Variants in C6orf15 observed in about 807,000 individuals in gnomAD.
The protein encoded by C6orf15 is chromosome 6 open reading frame 15, also known as uncharacterized protein C6orf15.
A neutral mutation model predicts 2.8 loss-of-function variants in C6orf15; 5 were observed. The ratio of observed to expected loss-of-function variants is 1.80; its 90% confidence interval spans 0.94 to 3.78. C6orf15 has a LOEUF of 3.78. Ranked by LOEUF, C6orf15 falls within the 30% of genes most tolerant of loss-of-function variation. The pLI is 0.00. For synonymous variants in C6orf15, 145 were observed against 163.2 expected (o/e 0.89, Z 0.85); for missense variants, 363 against 418.8 (o/e 0.87, Z 1.16).
Position 31,111,466 on chromosome 6 carries a change from G to A in C6orf15, c.893C>T (p.Pro298Leu), listed in dbSNP as rs1220212774. 1.9e-6 allele frequency: 3 copies of A among 1,612,696 alleles called. No homozygotes were observed. Among genetic ancestry groups the A allele is most frequent in the Non-Finnish European group, 2.5e-6 (3 of 1,179,892 alleles). The stretch of plus-strand genomic sequence containing the variant: ...AGAGCCAGGAGGGCGGAGGACTCCA[G>A]GAGGAAATGGGTTATTGATACCTGG... ...LYPGINNPFPPGVLRPPGSSW... is the reference protein window; with the variant it reads ...LYPGINNPFPLGVLRPPGSSW... The change falls in exon 2 of 2, where the codon CCT (proline) becomes CTT (leucine). Residue 298 changes from proline to leucine, a missense_variant. Transcript: ENST00000259870.
chr6:31,112,160 G>C lies in C6orf15; in HGVS notation c.199C>G (p.Pro67Ala). The C allele has an allele frequency of 6.2e-7, 1 of 1,614,130 alleles. No homozygotes were observed. Among genetic ancestry groups the C allele is most frequent in the Non-Finnish European group, 8.5e-7 (1 of 1,180,000 alleles). The part of the protein sequence containing the change: ...NSEHPQPALD[P>A]RSNDLARVPL... ...ACCCTTGCCAAGTCATTAGACCTAG[G>C]GTCCAGAGCGGGCTGCGGATGTTCA... The change falls in exon 2 of 2, where the codon CCT (proline) becomes GCT (alanine). Residue 67 changes from proline to alanine, a missense_variant. Pro to Ala is a conservative substitution (Grantham distance 27). Coordinates refer to ENST00000259870, the MANE Select transcript of C6orf15 (RefSeq NM_014070.3).
In C6orf15 at chr6:31,111,745, G is replaced by GA. The variant is rs779419060; in HGVS notation, c.613_614insT (p.Pro205LeufsTer2). The GA allele has an allele frequency of 1.9e-6, 3 of 1,612,488 alleles. No individual in the cohort carries two copies. The South Asian group carries it at 3.3e-5, about 18-fold the overall frequency. ...ATTCAGGGTACCCCAGGGGTGATCA[G>GA]GCAGAACCCTGTGGATGAGAGACCA... On this transcript the variant is annotated frameshift_variant, in exon 2 of 2. Coordinates refer to ENST00000259870, the MANE Select transcript of C6orf15 (RefSeq NM_014070.3). LOFTEE classifies it low-confidence loss of function (END_TRUNC).
intron 1 of C6orf15, 46 bp downstream of exon 1, chr6:31,112,443 G>C (rs148766502): frequency 1.1e-4 from 168 of 1,476,650 alleles, no homozygotes; most frequent in Non-Finnish European, 1.5e-4. Context: ...CTGTTTCCTG[G>C]GGGACCTCCA....
Position 31,111,461 on chromosome 6 carries a change from C to T in C6orf15, c.898G>A (p.Val300Ile), listed in dbSNP as rs544077230. The change falls in exon 2 of 2, where the codon GTC (valine) becomes ATC (isoleucine). Residue 300 changes from valine (V) to isoleucine (I), a missense_variant. Coordinates refer to ENST00000259870, the MANE Select transcript of C6orf15 (RefSeq NM_014070.3). Reference protein sequence around the residue: ...PGINNPFPPGVLRPPGSSWNI... With the variant: ...PGINNPFPPGILRPPGSSWNI... Reference sequence around the variant, plus strand: ...CAAGAAGAGCCAGGAGGGCGGAGGACTCCAGGAGGAAATGGGTTATTGATA... The same window carrying T: ...CAAGAAGAGCCAGGAGGGCGGAGGATTCCAGGAGGAAATGGGTTATTGATA... The T allele has an allele frequency of 6.2e-7, 1 of 1,612,792 alleles. No individual in the cohort carries two copies. Among genetic ancestry groups the T allele is most frequent in the African/African-American group, 1.3e-5 (1 of 74,972 alleles).
rs1416897151 is a variant in C6orf15, at chr6:31,112,402, A to T, written c.67+87T>A. On this transcript the variant is annotated intron_variant, in intron 1 of 1. Coordinates refer to ENST00000259870, the MANE Select transcript of C6orf15 (RefSeq NM_014070.3). ...TTTTCCCTCAGGGACCTAAATGTGT[A>T]CCCTCCTGCCTTTACCCCTTTCCTT... is the stretch of plus-strand genomic sequence containing the variant. The T allele has an allele frequency of 4.2e-6, 6 of 1,439,384 alleles. 1 individual carries two copies. The Admixed American group carries it at 8.7e-5, about 21-fold the overall frequency. 89.2% of individuals were successfully genotyped at this position (1,439,384 alleles called of 1,614,324 possible). A position where few individuals can be genotyped will look rare whatever the true frequency, so the allele number is the denominator to read the frequency against.
In C6orf15 at chr6:31,112,167, A is replaced by C; in HGVS notation, c.192T>G (p.Ala64=). ...GPSNSEHPQP[A]LDPRSNDLAR... The stretch of plus-strand genomic sequence containing the variant: ...CCAAGTCATTAGACCTAGGGTCCAG[A>C]GCGGGCTGCGGATGTTCAGAGTTAG... Residue 64 remains alanine, a synonymous_variant, in exon 2 of 2, where the codon GCT becomes GCG. Transcript: ENST00000259870. The C allele has an allele frequency of 1.2e-6, 2 of 1,614,092 alleles. No individual in the cohort carries two copies. Among genetic ancestry groups the C allele is most frequent in the Non-Finnish European group, 1.7e-6 (2 of 1,179,994 alleles).
rs144330935 is a variant in C6orf15 at position 31,111,793 on chromosome 6, T to G, written c.566A>C (p.Lys189Thr). Residue 189 changes from lysine to threonine, a missense_variant, in exon 2 of 2, where the codon AAA becomes ACA. By Grantham distance (78) the Lys-to-Thr change is moderately conservative. Transcript: ENST00000259870. ...CCAGGGAGGGCGTTGGGAAAGGATT[T>G]TTCCCCCGGCTCCCAGTGAATTAGA... is the stretch of plus-strand genomic sequence containing the variant. ...PRSNSLGAGG[K>T]ILSQRPPWSL... The G allele has an allele frequency of 6.2e-7, 1 of 1,612,712 alleles. No homozygotes were observed. The highest frequency in any genetic ancestry group is 8.5e-7 in the Non-Finnish European group (1 of 1,179,932).
chr6:31,112,242 G>A lies in C6orf15; in HGVS notation c.117C>T (p.Asn39=). 6.2e-7 allele frequency: 1 copy of A among 1,613,984 alleles called. No individual in the cohort carries two copies. Residue 39 remains asparagine (N), a synonymous_variant, in exon 2 of 2, where the codon AAC becomes AAT. Transcript: ENST00000259870. ...CGAGCTGAGGCAAGTTGGTCCCCAA[G>A]TTTTGGGAAACTTTCTCCTCCACAA... ...IGVVEEKVSQ[N]LGTNLPQLGQ...
At position 31,112,478 on chromosome 6, in the gene C6orf15, G is replaced by T; in HGVS notation, c.67+11C>A. ...AGTCCCTCCTGCCCAAGGGCATCAC[G>T]GCCTCCATACCTGGGAGATGAAGAC... On this transcript the variant is annotated intron_variant, in intron 1 of 1. Transcript: ENST00000259870. 1 of 1,547,748 alleles carries T rather than the reference G, an allele frequency of 6.5e-7. No homozygotes were observed. Among genetic ancestry groups the T allele is most frequent in the Non-Finnish European group, 8.7e-7 (1 of 1,144,578 alleles).
chr6:31,111,985 T>A lies in C6orf15; in HGVS notation c.374A>T (p.Asp125Val), dbSNP rs371008853. 3.2e-5 allele frequency: 51 copies of A among 1,613,182 alleles called. No individual in the cohort carries two copies. The highest frequency in any genetic ancestry group is 6.7e-5 in the African/African-American group (5 of 74,848). Residue 125 changes from aspartate to valine, a missense_variant, in exon 2 of 2, where the codon GAC becomes GTC. Asp to Val is a radical substitution (Grantham distance 152). Coordinates refer to ENST00000259870, the MANE Select transcript of C6orf15 (RefSeq NM_014070.3). Reference protein sequence around the residue: ...PWQMMAAAAEDRLGEALPEEL... With the variant: ...PWQMMAAAAEVRLGEALPEEL... ...TTCAGGCAGCGCTTCCCCCAGGCGG[T>A]CCTCAGCCGCAGCAGCCATCATCTG...
At position 31,111,376 on chromosome 6, in the gene C6orf15, G is replaced by A. The variant is rs773433611; in HGVS notation, c.*5C>T. ...TCCCAATGTTGGGTTTCCCTCTATCGTGCTCTAGCCCCACTGCAACCTAGG... is the reference window on the plus strand; with the variant it reads ...TCCCAATGTTGGGTTTCCCTCTATCATGCTCTAGCCCCACTGCAACCTAGG... On this transcript the variant is annotated 3_prime_UTR_variant, in exon 2 of 2. Transcript: ENST00000259870. 46 of 1,583,818 alleles carry A rather than the reference G, an allele frequency of 2.9e-5. No individual in the cohort carries two copies. Among genetic ancestry groups the A allele is most frequent in the South Asian group, 1.4e-4 (12 of 88,488 alleles).
Position 31,111,575 on chromosome 6 carries a change from C to A in C6orf15, c.784G>T (p.Gly262Ter). 6.2e-7 allele frequency: 1 copy of A among 1,612,064 alleles called. No homozygotes were observed. Among genetic ancestry groups the A allele is most frequent in the Non-Finnish European group, 8.5e-7 (1 of 1,179,508 alleles). Residue 262 changes from glycine (G) to a stop codon, truncating the protein, a stop_gained, in exon 2 of 2, where the codon GGA (glycine) becomes TGA (stop). Transcript: ENST00000259870. LOFTEE classifies it low-confidence loss of function (END_TRUNC). ...NINRYPGGSW[G>*]NINRYPGGSW... Reference sequence around the variant, plus strand: ...CCTCCTGGATACCGATTAATATTTCCCCAGCTGCCTCCTGGATACCGATTA... The same window carrying A: ...CCTCCTGGATACCGATTAATATTTCACCAGCTGCCTCCTGGATACCGATTA...
rs1362564310 is a variant in C6orf15, at chr6:31,112,028, G to T, written c.331C>A (p.Pro111Thr). 6.2e-7 allele frequency: 1 copy of T among 1,614,014 alleles called. No homozygotes were observed. The highest frequency in any genetic ancestry group is 1.1e-5 in the South Asian group (1 of 91,086). Reference protein sequence around the residue: ...SWGLPAMDSWPPEDPWQMMAA... With the variant: ...SWGLPAMDSWTPEDPWQMMAA... Reference sequence around the variant, plus strand: ...ATCATCTGCCAAGGATCCTCAGGGGGCCAGGAATCCATGGCAGGCAGCCCC... The same window carrying T: ...ATCATCTGCCAAGGATCCTCAGGGGTCCAGGAATCCATGGCAGGCAGCCCC... Residue 111 changes from proline to threonine, a missense_variant, in exon 2 of 2, where the codon CCC (proline) becomes ACC (threonine). By Grantham distance (38) the Pro-to-Thr change is conservative. Coordinates refer to ENST00000259870, the MANE Select transcript of C6orf15 (RefSeq NM_014070.3).
Position 31,111,369 on chromosome 6 carries a change from C to T in C6orf15, c.*12G>A. 1 of 1,570,086 alleles carries T rather than the reference C, an allele frequency of 6.4e-7. No individual in the cohort carries two copies. Among genetic ancestry groups the T allele is most frequent in the Non-Finnish European group, 8.7e-7 (1 of 1,152,386 alleles). ...CTCTAACTCCCAATGTTGGGTTTCCCTCTATCGTGCTCTAGCCCCACTGCA... is the reference window on the plus strand; with the variant it reads ...CTCTAACTCCCAATGTTGGGTTTCCTTCTATCGTGCTCTAGCCCCACTGCA... On this transcript the variant is annotated 3_prime_UTR_variant, in exon 2 of 2. Transcript: ENST00000259870.
chr6:31,111,730 C>A lies in C6orf15; in HGVS notation c.629G>T (p.Gly210Val). 1 of 1,611,474 alleles carries A rather than the reference C, an allele frequency of 6.2e-7. No homozygotes were observed. The highest frequency in any genetic ancestry group is 8.5e-7 in the Non-Finnish European group (1 of 1,179,094). ...CCAGGACACACTGGGATTCAGGGTA[C>A]CCCAGGGGTGATCAGGCAGAACCCT... Reference protein sequence around the residue: ...IHRVLPDHPWGTLNPSVSWGG... With the variant: ...IHRVLPDHPWVTLNPSVSWGG... Residue 210 changes from glycine (G) to valine (V), a missense_variant, in exon 2 of 2, where the codon GGT becomes GTT. Physicochemically the swap from Gly to Val is moderately radical, Grantham distance 109 (BLOSUM62 -3). Coordinates refer to ENST00000259870, the MANE Select transcript of C6orf15 (RefSeq NM_014070.3).
At position 31,111,950 on chromosome 6, in the gene C6orf15, AAG is replaced by A. The variant is rs1771808394; in HGVS notation, c.407_408del (p.Ser136LeufsTer46). On this transcript the variant is annotated frameshift_variant, in exon 2 of 2. Coordinates refer to ENST00000259870, the MANE Select transcript of C6orf15 (RefSeq NM_014070.3). LOFTEE classifies it low-confidence loss of function (END_TRUNC). ...RLGEALPEEL[S>X]YLSSAAALAP... ...GCGAGGGCCGCAGCACTGGAGAGGT[AAG>A]AGAGTTCTTCAGGCAGCGCTTCCCC... 1.9e-6 allele frequency: 3 copies of A among 1,612,934 alleles called. No homozygotes were observed. Among genetic ancestry groups the A allele is most frequent in the African/African-American group, 1.3e-5 (1 of 74,920 alleles).
chr6:31,112,433 C>T, intron 1 of C6orf15, 56 bp downstream of exon 1: 1 of 1,478,622 alleles, frequency 6.8e-7, no homozygotes, highest in Non-Finnish European at 9.1e-7. Context: ...TCCTTAATTC[C>T]TGTTTCCTGG....
At chr6:31,112,323 G>A (rs1489321223) in intron 1 of C6orf15, 32 bp from the exon 2 acceptor site, 6 of 1,579,276 alleles carry the variant, frequency 3.8e-6, no homozygotes, top group Non-Finnish European at 5.2e-6. Context: ...GCAACCAGTG[G>A]TCTCCAGTCC....
rs1312940794 is a variant in C6orf15, at chr6:31,112,528, C to A, written c.28G>T (p.Ala10Ser). The A allele has an allele frequency of 1.9e-6, 3 of 1,551,364 alleles. No homozygotes were observed. The highest frequency in any genetic ancestry group is 2.4e-5 in the South Asian group (2 of 83,996). Residue 10 changes from alanine (A) to serine (S), a missense_variant, in exon 1 of 2, where the codon GCT (alanine) becomes TCT (serine). By Grantham distance (99) the Ala-to-Ser change is moderately conservative (BLOSUM62 1). Transcript: ENST00000259870. Reference sequence around the variant, plus strand: ...CAGACCAGGAGCAGGCCCAGAGGAGCGCAGCTCCCTGCCACGCGGCCCTGC... The same window carrying A: ...CAGACCAGGAGCAGGCCCAGAGGAGAGCAGCTCCCTGCCACGCGGCCCTGC... MQGRVAGSC[A>S]PLGLLLVCLH...
Sources: allele counts gnomAD v4.1 joint callset, GRCh38; gene constraint gnomAD v4.1.1; transcripts MANE v1.5; gene names NCBI Gene and HGNC (gene_info 2026-07-23, HGNC 2026-07-21).